Variants in TMEM108 observed in about 807,000 individuals in gnomAD.
The protein encoded by TMEM108 is cancer/testis antigen 124.
In TMEM108, 12 loss-of-function variants were observed where a neutral mutation model predicts 35.1. That is an observed-to-expected ratio of 0.34 (90% CI 0.22 to 0.55). TMEM108 has a LOEUF of 0.55. Ranked by LOEUF, TMEM108 falls within the 20% of genes least tolerant of loss-of-function variation. The pLI, the probability that TMEM108 is intolerant of heterozygous loss-of-function variation, is 0.89. For synonymous variants in TMEM108, 287 were observed against 308.6 expected, an observed-to-expected ratio of 0.93 and a Z score of 0.73; for missense variants, 680 against 753.3, an observed-to-expected ratio of 0.90 and a Z score of 1.14.
At chr3:133,280,035 T>C (rs971055906) in intron 3 of TMEM108, among the ~76,000 whole-genome samples, 1 of 152,160 alleles carries the variant, frequency 6.6e-6, no homozygotes, top group Non-Finnish European at 1.5e-5. Context: ...AAATGTGGCA[T>C]GAAGGAAGCC....
chr3:133,088,122 A>T (rs773820938), intron 2 of TMEM108, among the ~76,000 whole-genome samples: 1 of 152,144 alleles, frequency 6.6e-6, no homozygotes, highest in Non-Finnish European at 1.5e-5. Flanking sequence ...AAAAAGAAAG[A>T]TGTCTGTGGT....
intron 5 of TMEM108, 128 bp downstream of exon 5, chr3:133,390,462 AC>A: frequency 9.3e-7 from 1 of 1,070,390 alleles, no homozygotes; most frequent in Non-Finnish European, 1.4e-6. Context: ...TATCAATAAC[AC>A]CCAAGAGGTT....
intron 3 of TMEM108, among the ~76,000 whole-genome samples, chr3:133,322,382 C>G (rs2071277372): frequency 6.6e-6 from 1 of 152,056 alleles, no homozygotes; most frequent in Non-Finnish European, 1.5e-5. Flanking sequence ...TCATTCAACA[C>G]TACTATGAAC....
At chr3:133,261,242 A>T (rs1576418854) in intron 3 of TMEM108, among the ~76,000 whole-genome samples, 1 of 152,234 alleles carries the variant, frequency 6.6e-6, no homozygotes, top group Non-Finnish European at 1.5e-5. Flanking sequence ...TCTACCTCAG[A>T]TGCTCACACT....
chr3:133,072,287 A>G (rs1943685143), intron 2 of TMEM108, among the ~76,000 whole-genome samples: 1 of 152,158 alleles, frequency 6.6e-6, no homozygotes. Flanking sequence ...AGATTTTAGA[A>G]TTAAGAAGTA....
rs200829056 is a variant in TMEM108 at position 133,288,488 on chromosome 3, C to T, written c.40+59137C>T. Among the ~76,000 whole-genome samples the T allele has an allele frequency of 1.9e-4, 29 of 152,240 alleles. No homozygotes were observed. The East Asian group carries it at 5.4e-3, about 28-fold the overall frequency. On this transcript the variant is annotated intron_variant, in intron 3 of 5. Transcript: ENST00000321871. ...TCCATGGGGGGGTGAATAGAAGTTC[C>T]TTGTGGAGAGAATGTTTGCTCAAAT...
chr3:133,205,606 T>C (rs1945741375), intron 2 of TMEM108, among the ~76,000 whole-genome samples: 1 of 152,228 alleles, frequency 6.6e-6, no homozygotes, highest in African/African-American at 2.4e-5. Flanking sequence ...GAAAATTCTT[T>C]AAGAATGTTG....
intron 2 of TMEM108, among the ~76,000 whole-genome samples, chr3:133,208,261 G>A (rs1945787013): frequency 6.6e-6 from 1 of 152,136 alleles, no homozygotes; most frequent in African/African-American, 2.4e-5. Flanking sequence ...CTTGTGGTCT[G>A]AGGACCAAAC....
intron 2 of TMEM108, among the ~76,000 whole-genome samples, chr3:133,055,852 A>G (rs963757289): frequency 1.1e-4 from 16 of 152,204 alleles, no homozygotes; most frequent in Admixed American, 3.3e-4. Context: ...TTTCTTTTCC[A>G]CTGGAAAGAA....
intron 2 of TMEM108, among the ~76,000 whole-genome samples, chr3:133,107,446 AGT>A: frequency 7.3e-6 from 1 of 136,576 alleles, no homozygotes; most frequent in South Asian, 2.5e-4. Context: ...ACCAGGATGA[AGT>A]GTATGTGGTG....
At chr3:133,259,704 G>A (rs529186801) in intron 3 of TMEM108, among the ~76,000 whole-genome samples, 1 of 152,202 alleles carries the variant, frequency 6.6e-6, no homozygotes, top group Admixed American at 6.5e-5. Flanking sequence ...TTTGGGTCCC[G>A]ATACAGGGCC....
At chr3:133,279,610 A>G (rs539999610) in intron 3 of TMEM108, among the ~76,000 whole-genome samples, 1 of 152,328 alleles carries the variant, frequency 6.6e-6, no homozygotes, top group African/African-American at 2.4e-5. Flanking sequence ...AGGGGACTTT[A>G]TCTTCATTCC....
intron 2 of TMEM108, among the ~76,000 whole-genome samples, chr3:133,214,277 T>C (rs1168250214): frequency 6.6e-6 from 1 of 152,182 alleles, no homozygotes; most frequent in African/African-American, 2.4e-5. Flanking sequence ...GGTTTGATCT[T>C]GAGCAAAGAC....
At chr3:133,320,825 C>G (rs1325593131) in intron 3 of TMEM108, among the ~76,000 whole-genome samples, 1 of 152,144 alleles carries the variant, frequency 6.6e-6, no homozygotes, top group Non-Finnish European at 1.5e-5. Context: ...CATTTCTCAG[C>G]AGAAACCCGA....
At chr3:133,133,308 G>A (rs1944516240) in intron 2 of TMEM108, among the ~76,000 whole-genome samples, 1 of 152,128 alleles carries the variant, frequency 6.6e-6, no homozygotes, top group African/African-American at 2.4e-5. Context: ...TCAACATTGA[G>A]GATCCTCTAC....
At chr3:133,221,788 A>C (rs1945996931) in intron 2 of TMEM108, among the ~76,000 whole-genome samples, 1 of 146,958 alleles carries the variant, frequency 6.8e-6, no homozygotes, top group African/African-American at 2.5e-5. Flanking sequence ...CTTAACTTTG[A>C]TTGCAAAATA....
chr3:133,265,235 C>G (rs1307976196), intron 3 of TMEM108, among the ~76,000 whole-genome samples: 1 of 152,196 alleles, frequency 6.6e-6, no homozygotes, highest in Non-Finnish European at 1.5e-5. Flanking sequence ...GTTCTATTAA[C>G]TTACTTCCTC....
intron 2 of TMEM108, among the ~76,000 whole-genome samples, chr3:133,109,031 G>A (rs1576323025): frequency 1.3e-5 from 2 of 151,978 alleles, no homozygotes; most frequent in South Asian, 2.1e-4. Context: ...TTTCTATATC[G>A]TGGGTACACT....
At chr3:133,227,935 G>A (rs1946098599) in intron 2 of TMEM108, among the ~76,000 whole-genome samples, 1 of 152,076 alleles carries the variant, frequency 6.6e-6, no homozygotes, top group Admixed American at 6.6e-5. Flanking sequence ...ATGCTGAGTG[G>A]AAGAGCCAGA....
Sources: allele counts gnomAD v4.1 joint callset (sites outside exome capture counted in the v4.1 genomes callset), GRCh38; gene constraint gnomAD v4.1.1; transcripts MANE v1.5; gene names NCBI Gene and HGNC (gene_info 2026-07-23, HGNC 2026-07-21).